RAB19: variants seen among roughly 807,000 people sequenced by gnomAD.
RAB19 encodes ras-related protein Rab-19.
RAB19 carries 21 observed loss-of-function variants against 17.3 expected under a neutral mutation model. The ratio of observed to expected loss-of-function variants is 1.21; its 90% CI spans 0.86 to 1.74. The LOEUF is 1.74. Among genes scored for constraint, RAB19 ranks in the 40% most tolerant of loss-of-function variants. The pLI is 0.00. For missense variants in RAB19, 277 were observed against 286.8 expected (o/e 0.97, Z 0.25); for synonymous variants, 126 against 110.4 (o/e 1.14, Z -0.88).
intron 1 of RAB19, among the ~76,000 whole-genome samples, chr7:140,405,252 C>T (rs959384902): frequency 2.6e-4 from 40 of 152,112 alleles, no homozygotes; most frequent in African/African-American, 7.0e-4. Flanking sequence ...CGGAGTTTCG[C>T]TCTTGTTGCC....
In RAB19 at chr7:140,426,190, C is replaced by T; in HGVS notation, c.*40C>T. 2 of 1,590,230 alleles carry T rather than the reference C, an allele frequency of 1.3e-6. No individual in the cohort carries two copies. Among genetic ancestry groups the T allele is most frequent in the African/African-American group, 1.3e-5 (1 of 74,156 alleles). On this transcript the variant is annotated 3_prime_UTR_variant, in exon 4 of 4. Transcript: ENST00000537763. ...CAGTTGCACCCACCAAAGAGGCCGC[C>T]TCTGAAACCAAAGGTAGCCAGGATA...
At chr7:140,413,675 C>A (rs1290305612) in intron 3 of RAB19, among the ~76,000 whole-genome samples, 1 of 151,938 alleles carries the variant, frequency 6.6e-6, no homozygotes, top group Non-Finnish European at 1.5e-5. Flanking sequence ...GCATTCCAGC[C>A]TGGGTGAGAA....
rs36052693 is a variant in RAB19, at chr7:140,417,235, C to CAAAA, written c.385+5192_385+5195dup. ...TGGGTGACAGAGCGAGACTCTGTCT[C>CAAAA]AAAAAAAAAAAAAAAAATTAGCTGG... On this transcript the variant is annotated intron_variant, in intron 3 of 3. Transcript: ENST00000537763. Among the ~76,000 whole-genome samples, 13 of 116,678 alleles carry CAAAA rather than the reference C, an allele frequency of 1.1e-4. 1 individual carries two copies. The highest frequency in any genetic ancestry group is 2.9e-4 in the South Asian group (1 of 3,400). 76.5% of individuals were successfully genotyped at this position (116,678 alleles called of 152,430 possible). A position where few individuals can be genotyped will look rare whatever the true frequency, so the allele number is the denominator to read the frequency against.
chr7:140,419,601 G>T (rs1799522587), intron 3 of RAB19, among the ~76,000 whole-genome samples: 1 of 152,170 alleles, frequency 6.6e-6, no homozygotes. Context: ...TAGGAAAATT[G>T]CTGCTCCGAA....
chr7:140,404,281 G>A (rs1488009096), intron 1 of RAB19, 64 bp downstream of exon 1: 1 of 152,298 alleles, frequency 6.6e-6, no homozygotes, highest in Non-Finnish European at 1.5e-5. Flanking sequence ...CATCATCGGG[G>A]TGGACGCTGC....
intron 2 of RAB19, among the ~76,000 whole-genome samples, chr7:140,409,112 C>T (rs1799302380): frequency 6.6e-6 from 1 of 152,064 alleles, no homozygotes; most frequent in Non-Finnish European, 1.5e-5. Context: ...ACCTGTAATC[C>T]CAGCACTTCG....
intron 3 of RAB19, among the ~76,000 whole-genome samples, chr7:140,422,029 G>A (rs1563074631): frequency 6.6e-6 from 1 of 151,962 alleles, no homozygotes. Context: ...TTTGTGTATG[G>A]TGAAAGGTAT....
intron 3 of RAB19, among the ~76,000 whole-genome samples, chr7:140,419,866 T>C (rs544090339): frequency 1.4e-4 from 22 of 152,358 alleles, no homozygotes; most frequent in African/African-American, 4.8e-4. Context: ...GTTTTTCATT[T>C]GCATTTCCCT....
intron 1 of RAB19, among the ~76,000 whole-genome samples, chr7:140,405,212 T>TTTGTTTGC (rs1282250865): frequency 1.3e-4 from 3 of 23,382 alleles, no homozygotes; most frequent in Non-Finnish European, 2.2e-4. Flanking sequence ...GTTTTGTGTT[T>TTTGTTTGC]TTGTTTGTTT....
chr7:140,415,074 T>G (rs1232943967), intron 3 of RAB19, among the ~76,000 whole-genome samples: 1 of 151,700 alleles, frequency 6.6e-6, no homozygotes. Flanking sequence ...TTCTTTTCTT[T>G]TCTTTTCTTT....
At chr7:140,409,568 A>C (rs1281519304) in intron 2 of RAB19, among the ~76,000 whole-genome samples, 1 of 152,048 alleles carries the variant, frequency 6.6e-6, no homozygotes, top group Non-Finnish European at 1.5e-5. Flanking sequence ...GTGGTGGCAC[A>C]TGCCTGTAAT....
In RAB19 at chr7:140,408,741, G is replaced by A. The variant is rs767055397; in HGVS notation, c.201+894G>A. On this transcript the variant is annotated intron_variant, in intron 2 of 3. Coordinates refer to ENST00000537763, the MANE Select transcript of RAB19 (RefSeq NM_001008749.3). Reference sequence around the variant, plus strand: ...TCCGCCCACCTCTACCTCCCAAAGTGCTGGGATTACAGATGTGAACCACCA... The same window carrying A: ...TCCGCCCACCTCTACCTCCCAAAGTACTGGGATTACAGATGTGAACCACCA... Among the ~76,000 whole-genome samples the A allele has an allele frequency of 5.7e-4, 86 of 152,036 alleles. 1 individual carries two copies. Among genetic ancestry groups the A allele is most frequent in the Non-Finnish European group, 7.4e-5 (5 of 68,006 alleles).
At chr7:140,422,679 G>A (rs1461284200) in intron 3 of RAB19, among the ~76,000 whole-genome samples, 1 of 151,304 alleles carries the variant, frequency 6.6e-6, no homozygotes, top group East Asian at 2.0e-4. Context: ...AGCCATGGGT[G>A]GCGGTGCATG....
chr7:140,407,583 A>AT, intron 1 of RAB19, 41 bp from the exon 2 acceptor site: 3 of 1,488,654 alleles, frequency 2.0e-6, no homozygotes, highest in Non-Finnish European at 2.8e-6. Flanking sequence ...CTTGTACTGG[A>AT]TCCCCAGTTC....
chr7:140,424,639 A>ATG (rs1554442795), intron 3 of RAB19, among the ~76,000 whole-genome samples: 11,636 of 137,336 alleles, frequency 0.085, 595 homozygotes, highest in African/African-American at 0.13. Flanking sequence ...ATATATATAT[A>ATG]TGTGTGTGTG....
chr7:140,410,052 A>G (rs373323915), intron 2 of RAB19, among the ~76,000 whole-genome samples: 5 of 151,284 alleles, frequency 3.3e-5, no homozygotes, highest in African/African-American at 1.2e-4. Context: ...AAATACTTCA[A>G]AGAAATCAAC....
intron 3 of RAB19, among the ~76,000 whole-genome samples, chr7:140,414,051 C>G (rs2130120607): frequency 1.3e-5 from 2 of 152,040 alleles, no homozygotes; most frequent in South Asian, 4.2e-4. Flanking sequence ...GTGCTACCTT[C>G]TCTCTTTTTT....
chr7:140,412,852 G>A (rs918236775), intron 3 of RAB19, among the ~76,000 whole-genome samples: 4 of 151,784 alleles, frequency 2.6e-5, no homozygotes, highest in East Asian at 1.9e-4. Context: ...TAGATGGGGC[G>A]TGGTGGTTCA....
In RAB19 at chr7:140,425,980, G is replaced by A. The variant is rs1799660065; in HGVS notation, c.484G>A (p.Ala162Thr). ...YGLLAVLETSAKESKNIEEVF... is the reference protein window; with the variant it reads ...YGLLAVLETSTKESKNIEEVF... Reference sequence around the variant, plus strand: ...CCTCCTGGCCGTTTTGGAGACATCTGCCAAGGAGTCAAAGAACATAGAAGA... The same window carrying A: ...CCTCCTGGCCGTTTTGGAGACATCTACCAAGGAGTCAAAGAACATAGAAGA... Residue 162 changes from alanine to threonine, a missense_variant, in exon 4 of 4, where the codon GCC (alanine) becomes ACC (threonine). Coordinates refer to ENST00000537763, the MANE Select transcript of RAB19 (RefSeq NM_001008749.3). The A allele has an allele frequency of 1.2e-6, 2 of 1,613,984 alleles. No individual in the cohort carries two copies. Among genetic ancestry groups the A allele is most frequent in the South Asian group, 2.2e-5 (2 of 91,096 alleles).
Sources: gnomAD v4.1 joint callset for allele counts (sites outside exome capture counted in the v4.1 genomes callset) on GRCh38, gnomAD v4.1.1 for gene constraint, MANE v1.5 for transcripts, NCBI Gene and HGNC (gene_info 2026-07-23, HGNC 2026-07-21) for gene names.